The following CDKAL1 variants were observed in gnomAD, a reference collection of about 807,000 sequenced individuals.
CDKAL1 encodes CDKAL1 threonylcarbamoyladenosine tRNA methylthiotransferase, also known as threonylcarbamoyladenosine tRNA methylthiotransferase.
Under a neutral mutation model 68.2 loss-of-function variants are expected in CDKAL1, and 32 were observed. That is an observed-to-expected ratio of 0.47 (90% CI 0.35 to 0.63). CDKAL1 has a LOEUF of 0.63. Among genes scored for constraint, CDKAL1 ranks in the 30% least tolerant of loss-of-function variants. The pLI, the probability that CDKAL1 is intolerant of heterozygous loss-of-function variation, is 0.00. For synonymous variants in CDKAL1, 234 were observed against 244.3 expected, an observed-to-expected ratio of 0.96 and a Z score of 0.39; for missense variants, 606 against 696.7, an observed-to-expected ratio of 0.87 and a Z score of 1.47.
intron 12 of CDKAL1, among the ~76,000 whole-genome samples, chr6:21,075,541 T>G (rs1375941693): frequency 6.6e-6 from 1 of 152,178 alleles, no homozygotes; most frequent in Non-Finnish European, 1.5e-5. Context: ...CAATATATTT[T>G]CATGAACAGG....
At chr6:20,710,238 ATTGT>A (rs754560058) in intron 5 of CDKAL1, among the ~76,000 whole-genome samples, 1 of 152,172 alleles carries the variant, frequency 6.6e-6, no homozygotes, top group African/African-American at 2.4e-5. Context: ...TACATGCAAC[ATTGT>A]TTGTAGAAAG....
chr6:20,738,034 A>C (rs1387128198), intron 5 of CDKAL1, among the ~76,000 whole-genome samples: 1 of 152,152 alleles, frequency 6.6e-6, no homozygotes, highest in East Asian at 1.9e-4. Context: ...GAGACCTTTT[A>C]CTTTGTAGTA....
At chr6:20,591,291 C>T (rs997522617) in intron 4 of CDKAL1, among the ~76,000 whole-genome samples, 1 of 152,056 alleles carries the variant, frequency 6.6e-6, no homozygotes, top group African/African-American at 2.4e-5. Flanking sequence ...AATTTTCTCC[C>T]ATTCTGTAGG....
chr6:20,718,978 T>C (rs1772220219), intron 5 of CDKAL1, among the ~76,000 whole-genome samples: 1 of 152,214 alleles, frequency 6.6e-6, no homozygotes, highest in African/African-American at 2.4e-5. Context: ...AGGGTTCATC[T>C]TTTTAAACCA....
At chr6:20,781,694 A>T (rs1009885324) in intron 8 of CDKAL1, among the ~76,000 whole-genome samples, 1 of 152,180 alleles carries the variant, frequency 6.6e-6, no homozygotes, top group African/African-American at 2.4e-5. Context: ...AAATGTTATT[A>T]TTCTGAGCTT....
intron 4 of CDKAL1, among the ~76,000 whole-genome samples, chr6:20,648,204 C>T (rs964396575): frequency 6.7e-6 from 1 of 149,748 alleles, no homozygotes; most frequent in Admixed American, 6.7e-5. Flanking sequence ...TCTCGGCTCA[C>T]TGCAACCTCT....
chr6:21,024,484 A>G (rs1359836033), intron 11 of CDKAL1, among the ~76,000 whole-genome samples: 2 of 148,766 alleles, frequency 1.3e-5, no homozygotes, highest in Non-Finnish European at 3.0e-5. Flanking sequence ...CCCATCTCTT[A>G]AAAAAAAAAG....
intron 4 of CDKAL1, among the ~76,000 whole-genome samples, chr6:20,635,586 C>T (rs1767869084): frequency 6.6e-6 from 1 of 152,124 alleles, no homozygotes; most frequent in Non-Finnish European, 1.5e-5. Flanking sequence ...TTTGAGCATC[C>T]TGCGGTTACT....
intron 4 of CDKAL1, among the ~76,000 whole-genome samples, chr6:20,551,926 C>T (rs1303949863): frequency 6.6e-6 from 1 of 151,538 alleles, no homozygotes; most frequent in Non-Finnish European, 1.5e-5. Context: ...ACAGGTCTCA[C>T]TATGTTTGCC....
intron 10 of CDKAL1, among the ~76,000 whole-genome samples, chr6:20,988,893 C>T (rs902937765): frequency 2.0e-5 from 3 of 151,192 alleles, no homozygotes; most frequent in African/African-American, 7.3e-5. Flanking sequence ...CTCCTTACCT[C>T]ATGATCCATC....
chr6:20,833,717 T>C (rs1474422866), intron 8 of CDKAL1, among the ~76,000 whole-genome samples: 1 of 152,214 alleles, frequency 6.6e-6, no homozygotes, highest in Non-Finnish European at 1.5e-5. Context: ...GGTAGGAAGT[T>C]AATTTCTTAG....
At position 20,613,030 on chromosome 6, in the gene CDKAL1, CACACACACACACACAA is replaced by C. The variant is rs1324361527; in HGVS notation, c.287-36261_287-36246del. ...ACACACACACACACACACACACACA[CACACACACACACACAA>C]AGGGTATGGATTTATAAGAATAAAT... On this transcript the variant is annotated intron_variant, in intron 4 of 15. Transcript: ENST00000274695. 1.2e-3 allele frequency among the ~76,000 whole-genome samples: 174 copies of C among 140,710 alleles called. 5 individuals carry two copies. The highest frequency in any genetic ancestry group is 0.011 in the East Asian group (52 of 4,942). The allele number at this position is 140,710 out of a possible 152,430, so 92.3% of individuals were successfully genotyped here. A position where few individuals can be genotyped will look rare whatever the true frequency, so the allele number is the denominator to read the frequency against.
At chr6:21,136,418 T>A (rs1448843580) in intron 13 of CDKAL1, among the ~76,000 whole-genome samples, 1 of 152,230 alleles carries the variant, frequency 6.6e-6, no homozygotes, top group African/African-American at 2.4e-5. Context: ...CTGAGATTCA[T>A]ATGTAATGCC....
chr6:21,014,035 C>T (rs1255164141), intron 11 of CDKAL1, among the ~76,000 whole-genome samples: 1 of 152,134 alleles, frequency 6.6e-6, no homozygotes, highest in Non-Finnish European at 1.5e-5. Flanking sequence ...GAAAATTCAA[C>T]CTCCACGTCT....
chr6:21,176,070 A>G (rs1777560274), intron 13 of CDKAL1, among the ~76,000 whole-genome samples: 1 of 152,242 alleles, frequency 6.6e-6, no homozygotes, highest in Non-Finnish European at 1.5e-5. Context: ...TCTCTACTGC[A>G]TGGGGTGTTT....
chr6:20,979,020 A>T (rs1002578033), intron 10 of CDKAL1, among the ~76,000 whole-genome samples: 27 of 152,250 alleles, frequency 1.8e-4, no homozygotes, highest in African/African-American at 6.0e-4. Context: ...ATTGCAAATG[A>T]TGAAAAATTA....
intron 9 of CDKAL1, among the ~76,000 whole-genome samples, chr6:20,951,166 T>G (rs1764509279): frequency 6.6e-6 from 1 of 152,196 alleles, no homozygotes; most frequent in African/African-American, 2.4e-5. Flanking sequence ...TGGTTATTTT[T>G]AGAGACTACT....
chr6:20,804,929 A>G (rs1424961261), intron 8 of CDKAL1, among the ~76,000 whole-genome samples: 2 of 152,156 alleles, frequency 1.3e-5, no homozygotes, highest in Admixed American at 1.3e-4. Context: ...GCCCAGAATA[A>G]AAGTCCTGTT....
chr6:20,902,327 ACACACACACAC>A, intron 9 of CDKAL1, among the ~76,000 whole-genome samples: 1 of 119,284 alleles, frequency 8.4e-6, no homozygotes, highest in Non-Finnish European at 2.0e-5. Context: ...ACACACACAC[ACACACACACAC>A]ACACACACAC....
Sources: gnomAD v4.1 joint callset for allele counts (sites outside exome capture counted in the v4.1 genomes callset) on GRCh38, gnomAD v4.1.1 for gene constraint, MANE v1.5 for transcripts, NCBI Gene and HGNC (gene_info 2026-07-23, HGNC 2026-07-21) for gene names.